DGKB: variants seen among roughly 807,000 people sequenced by gnomAD.
The protein encoded by DGKB is diacylglycerol kinase beta.
A neutral mutation model predicts 114.3 loss-of-function variants in DGKB; 67 were observed. The observed-to-expected ratio is 0.59, with a 90% CI of 0.48 to 0.72. DGKB has a LOEUF of 0.72. Ranked by LOEUF, DGKB falls within the 30% of genes least tolerant of loss-of-function variation. The pLI is 0.00. For synonymous variants in DGKB, 398 were observed against 323.1 expected (o/e 1.23, Z -2.49); for missense variants, 907 against 975.2 (o/e 0.93, Z 0.93).
At chr7:14,849,967 A>C (rs2128156759) in intron 1 of DGKB, among the ~76,000 whole-genome samples, 1 of 152,282 alleles carries the variant, frequency 6.6e-6, no homozygotes, top group South Asian at 2.1e-4. Context: ...TTATATTTAG[A>C]GATTAGAGGT....
chr7:14,537,912 C>A lies in DGKB; in HGVS notation c.1770+36300G>T, dbSNP rs540329405. Among the ~76,000 whole-genome samples the A allele has an allele frequency of 3.3e-5, 5 of 152,118 alleles. No individual in the cohort carries two copies. In the South Asian group the frequency reaches 8.3e-4, roughly 25 times the overall value. ...GCTGACCAACATGGAGAAACCCCGT[C>A]TCTACTAATAATACAAAATTAGCCA... On this transcript the variant is annotated intron_variant, in intron 20 of 25. Coordinates refer to ENST00000402815, the MANE Select transcript of DGKB (RefSeq NM_001350709.2).
intron 23 of DGKB, among the ~76,000 whole-genome samples, chr7:14,267,146 A>G (rs1170825786): frequency 6.6e-6 from 1 of 152,212 alleles, no homozygotes; most frequent in Non-Finnish European, 1.5e-5. Context: ...AGAAGATTCT[A>G]TGACTGCTTT....
intron 23 of DGKB, among the ~76,000 whole-genome samples, chr7:14,234,006 A>G (rs1364292459): frequency 1.3e-5 from 2 of 152,058 alleles, no homozygotes; most frequent in Non-Finnish European, 2.9e-5. Context: ...ATAGTCCCAA[A>G]TGCCTGGAAG....
intron 23 of DGKB, among the ~76,000 whole-genome samples, chr7:14,211,286 ACTATGTGATATTTACTCTCATGTTT>A (rs201129715): frequency 0.06 from 4,846 of 80,458 alleles, 716 homozygotes; most frequent in African/African-American, 0.19. Flanking sequence ...CTTAGCCTCT[ACTATGTGATATTTACTCTCATGTTT>A]TGTGATATTT....
At chr7:14,285,639 A>G (rs1020844148) in intron 23 of DGKB, among the ~76,000 whole-genome samples, 3 of 152,194 alleles carry the variant, frequency 2.0e-5, no homozygotes, top group Non-Finnish European at 4.4e-5. Flanking sequence ...TTCACATTGT[A>G]TATTAATTGG....
chr7:14,574,417 TA>T, intron 19 of DGKB, 45 bp from the exon 20 acceptor site: 2 of 1,529,580 alleles, frequency 1.3e-6, no homozygotes, highest in Non-Finnish European at 8.9e-7. Context: ...TCTAACCAAA[TA>T]AAAAAGCTGT....
chr7:14,607,834 T>A (rs1174881818), intron 16 of DGKB, among the ~76,000 whole-genome samples: 1 of 130,644 alleles, frequency 7.7e-6, no homozygotes, highest in Non-Finnish European at 1.6e-5. Context: ...AGATTTCAAA[T>A]AAATGTATTT....
chr7:14,846,022 T>C (rs1467951345), intron 1 of DGKB, among the ~76,000 whole-genome samples: 1 of 152,208 alleles, frequency 6.6e-6, no homozygotes, highest in Non-Finnish European at 1.5e-5. Context: ...ACCAAGTATA[T>C]TTTTATTTAT....
At chr7:14,873,297 T>C (rs917733497) in intron 1 of DGKB, among the ~76,000 whole-genome samples, 1 of 152,116 alleles carries the variant, frequency 6.6e-6, no homozygotes, top group Non-Finnish European at 1.5e-5. Flanking sequence ...GTTTAGCCCA[T>C]TTTTACTTGT....
At chr7:14,348,497 A>G (rs1297053698) in intron 21 of DGKB, among the ~76,000 whole-genome samples, 1 of 151,178 alleles carries the variant, frequency 6.6e-6, no homozygotes, top group Admixed American at 6.6e-5. Flanking sequence ...ATACAGATGG[A>G]AAAAAAAATG....
At position 14,694,195 on chromosome 7, in the gene DGKB, C is replaced by G; in HGVS notation, c.592-1G>C. Reference sequence around the variant, plus strand: ...TTTCTTCCATCATTTCATGGAGGATCTGGAGTAGAGGAGATAAGGGAAAAT... The same window carrying G: ...TTTCTTCCATCATTTCATGGAGGATGTGGAGTAGAGGAGATAAGGGAAAAT... On this transcript the variant is annotated splice_acceptor_variant, in intron 8 of 25. Coordinates refer to ENST00000402815, the MANE Select transcript of DGKB (RefSeq NM_001350709.2). LOFTEE classifies it high-confidence loss of function. The G allele has an allele frequency of 6.4e-7, 1 of 1,563,466 alleles. No homozygotes were observed. The highest frequency in any genetic ancestry group is 8.7e-7 in the Non-Finnish European group (1 of 1,152,782).
chr7:14,347,760 T>C (rs1385524749), intron 21 of DGKB, among the ~76,000 whole-genome samples: 1 of 152,024 alleles, frequency 6.6e-6, no homozygotes, highest in East Asian at 1.9e-4. Flanking sequence ...GTATTATATA[T>C]TTGAAATTAA....
At chr7:14,571,148 TA>T (rs528119766) in intron 20 of DGKB, among the ~76,000 whole-genome samples, 10 of 152,068 alleles carry the variant, frequency 6.6e-5, no homozygotes, top group East Asian at 3.9e-4. Flanking sequence ...CCAAAGCATA[TA>T]AAAAAAATGA....
intron 13 of DGKB, among the ~76,000 whole-genome samples, chr7:14,665,699 T>A (rs1006347592): frequency 7.9e-5 from 12 of 152,058 alleles, no homozygotes; most frequent in Admixed American, 3.3e-4. Context: ...CTTCTTTTGT[T>A]GATGGTGGCA....
intron 23 of DGKB, among the ~76,000 whole-genome samples, chr7:14,333,853 T>C (rs183739709): frequency 1.5e-4 from 23 of 152,322 alleles, no homozygotes; most frequent in Admixed American, 1.1e-3. Context: ...TGCTGTATCA[T>C]TGAATTGAAT....
chr7:14,401,636 G>T (rs1823117149), intron 21 of DGKB, among the ~76,000 whole-genome samples: 1 of 151,918 alleles, frequency 6.6e-6, no homozygotes. Context: ...TACTATGTTA[G>T]GGGTATCAGT....
At chr7:14,236,991 C>G (rs1424670106) in intron 23 of DGKB, among the ~76,000 whole-genome samples, 1 of 151,834 alleles carries the variant, frequency 6.6e-6, no homozygotes, top group Admixed American at 6.6e-5. Context: ...ATAAATCAAT[C>G]TGGCATATTA....
chr7:14,771,263 T>C (rs1837360536), intron 2 of DGKB, among the ~76,000 whole-genome samples: 1 of 152,152 alleles, frequency 6.6e-6, no homozygotes, highest in Admixed American at 6.6e-5. Flanking sequence ...TAAGAAGGTA[T>C]ACAAGCTCTG....
intron 23 of DGKB, among the ~76,000 whole-genome samples, chr7:14,182,592 A>G (rs1370574001): frequency 6.6e-6 from 1 of 152,210 alleles, no homozygotes; most frequent in Non-Finnish European, 1.5e-5. Context: ...TAAAGTTTAT[A>G]AATCTTTATA....
Sources: gnomAD v4.1 joint callset for allele counts (sites outside exome capture counted in the v4.1 genomes callset) on GRCh38, gnomAD v4.1.1 for gene constraint, MANE v1.5 for transcripts, NCBI Gene and HGNC (gene_info 2026-07-23, HGNC 2026-07-21) for gene names.